The following CELF2 variants were observed in gnomAD, a reference collection of about 807,000 sequenced individuals.
The protein encoded by CELF2 is CUG triplet repeat RNA-binding protein 2.
A neutral mutation model predicts 62.6 loss-of-function variants in CELF2; 8 were observed. The ratio of observed to expected loss-of-function variants is 0.13; its 90% CI spans 0.07 to 0.23. The LOEUF is 0.23. CELF2 is among the 10% of genes least tolerant of loss of function. The probability of loss-of-function intolerance (pLI) is 1.00; values close to 1 mark genes in which losing one functional copy is unlikely to be tolerated. For missense variants in CELF2, 333 were observed against 671.0 expected, an observed-to-expected ratio of 0.50 and a Z score of 5.56; for synonymous variants, 258 against 250.0, an observed-to-expected ratio of 1.03 and a Z score of -0.30.
At chr10:10,969,242 G>A (rs887174606) in intron 2 of CELF2, among the ~76,000 whole-genome samples, 1 of 152,176 alleles carries the variant, frequency 6.6e-6, no homozygotes, top group African/African-American at 2.4e-5. Context: ...GGGCAACAGA[G>A]CAAGACTTTA....
chr10:10,761,641 A>G, the CELF2 span, among the ~76,000 whole-genome samples: 2 of 152,350 alleles, frequency 1.3e-5, no homozygotes, highest in East Asian at 1.9e-4. Context: ...AACCTCCCAC[A>G]TCGCAAGAGA....
At chr10:11,052,796 A>G (rs752835023) in intron 1 of CELF2, among the ~76,000 whole-genome samples, 2 of 152,226 alleles carry the variant, frequency 1.3e-5, no homozygotes, top group Non-Finnish European at 2.9e-5. Flanking sequence ...GTACAGGATG[A>G]TACCATATCC....
chr10:10,508,014 G>A, the CELF2 span, among the ~76,000 whole-genome samples: 1 of 152,080 alleles, frequency 6.6e-6, no homozygotes, highest in Non-Finnish European at 1.5e-5. Flanking sequence ...TTTATTTTCT[G>A]TGTGCTACAT....
the CELF2 span, among the ~76,000 whole-genome samples, chr10:10,476,439 G>A: frequency 6.6e-6 from 1 of 152,120 alleles, no homozygotes; most frequent in Non-Finnish European, 1.5e-5. Flanking sequence ...ATTCACATCT[G>A]CTGGGACAAG....
intron 7 of CELF2, among the ~76,000 whole-genome samples, chr10:11,272,853 A>G (rs957303769): frequency 2.6e-5 from 4 of 152,298 alleles, no homozygotes; most frequent in South Asian, 2.1e-4. Context: ...AGGTATTTCC[A>G]CTTACCTCAG....
At chr10:11,307,688 ACC>A (rs1274832040) in intron 9 of CELF2, among the ~76,000 whole-genome samples, 2 of 152,222 alleles carry the variant, frequency 1.3e-5, no homozygotes, top group South Asian at 4.2e-4. Flanking sequence ...GCTTAATGAA[ACC>A]CCATTTTGCC....
In CELF2 at chr10:10,949,502, C is replaced by T. The variant is rs1337283966; in HGVS notation, c.89+29503C>T. Among the ~76,000 whole-genome samples, 5 of 151,990 alleles carry T rather than the reference C, an allele frequency of 3.3e-5. No homozygotes were observed. In the South Asian group the frequency reaches 6.2e-4, roughly 19 times the overall value. ...GTTTTGTTTTGTCTTTTAAAAACCTCACCCAGAGGCCAGGCATGGTGGCTC... is the reference window on the plus strand; with the variant it reads ...GTTTTGTTTTGTCTTTTAAAAACCTTACCCAGAGGCCAGGCATGGTGGCTC... On this transcript the variant is annotated intron_variant, in intron 2 of 13. Coordinates refer to the CELF2 transcript ENST00000636488.
rs777966064 is a variant in CELF2, at chr10:11,302,510, T to C, written c.977-11629T>C. On this transcript the variant is annotated intron_variant, in intron 9 of 12. Coordinates refer to ENST00000633077, the MANE Select transcript of CELF2 (RefSeq NM_001326342.2). This position sits in a 1 kb window ranked among gnomAD's most constrained non-coding sequence, Gnocchi z 5.0. ...GCTGCAGTGCCCCCAAAGGACAGGA[T>C]TGGGCCCGCCTCCCCCAGACAAGAA... 1.2e-4 allele frequency among the ~76,000 whole-genome samples: 18 copies of C among 152,170 alleles called. No homozygotes were observed. Among genetic ancestry groups the C allele is most frequent in the Non-Finnish European group, 2.1e-4 (14 of 68,000 alleles).
chr10:10,475,926 A>G, the CELF2 span, among the ~76,000 whole-genome samples: 1 of 151,980 alleles, frequency 6.6e-6, no homozygotes, highest in South Asian at 2.1e-4. Flanking sequence ...ATGGTTGTTG[A>G]CAATACCTTT....
At chr10:11,078,993 A>C (rs1433423107) in intron 1 of CELF2, among the ~76,000 whole-genome samples, 1 of 152,150 alleles carries the variant, frequency 6.6e-6, no homozygotes, top group Non-Finnish European at 1.5e-5. Flanking sequence ...CACATTTTCT[A>C]TTGCGATTTG....
intron 1 of CELF2, among the ~76,000 whole-genome samples, chr10:10,858,718 T>G (rs1203078537): frequency 6.6e-6 from 1 of 152,096 alleles, no homozygotes; most frequent in Non-Finnish European, 1.5e-5. Context: ...GAAAGTATGT[T>G]GTTGAATGAA....
chr10:10,669,918 T>C, the CELF2 span, among the ~76,000 whole-genome samples: 19 of 128,982 alleles, frequency 1.5e-4, no homozygotes, highest in African/African-American at 5.8e-4. Flanking sequence ...TTTTTTTTTT[T>C]TGAGACGGAG....
chr10:10,884,016 C>T (rs140286451), intron 1 of CELF2, among the ~76,000 whole-genome samples: 405 of 152,144 alleles, frequency 2.7e-3, no homozygotes, highest in African/African-American at 9.2e-3. Flanking sequence ...CCCTCCTGCT[C>T]TTCCTCTTTG....
At chr10:11,052,842 C>G (rs555612319) in intron 1 of CELF2, among the ~76,000 whole-genome samples, 1 of 152,260 alleles carries the variant, frequency 6.6e-6, no homozygotes, top group African/African-American at 2.4e-5. Flanking sequence ...GGCACTGGAA[C>G]CAGTAAATCA....
chr10:10,793,922 A>G (rs1434971313), upstream of CELF2, among the ~76,000 whole-genome samples: 3 of 152,214 alleles, frequency 2.0e-5, no homozygotes, highest in African/African-American at 4.8e-5. Context: ...TAGAAAATAA[A>G]AACAGAGGAA....
chr10:11,186,858 G>A (rs144399445), intron 2 of CELF2, among the ~76,000 whole-genome samples: 27 of 152,280 alleles, frequency 1.8e-4, no homozygotes, highest in East Asian at 1.5e-3. Flanking sequence ...GAGGGGTATG[G>A]GAGTTTTTTC....
the CELF2 span, among the ~76,000 whole-genome samples, chr10:10,494,826 A>ATCTACATAC: frequency 1.3e-5 from 2 of 152,226 alleles, no homozygotes; most frequent in African/African-American, 4.8e-5. Context: ...ATTAATATGA[A>ATCTACATAC]TCTACATACA....
chr10:10,875,653 T>C (rs1381588281), intron 1 of CELF2, among the ~76,000 whole-genome samples: 1 of 152,160 alleles, frequency 6.6e-6, no homozygotes, highest in Non-Finnish European at 1.5e-5. Context: ...TGTGCTGGGG[T>C]GGGAGGATGA....
At chr10:11,282,112 T>C (rs2139266318) in intron 8 of CELF2, among the ~76,000 whole-genome samples, 1 of 152,302 alleles carries the variant, frequency 6.6e-6, no homozygotes, top group South Asian at 2.1e-4. Context: ...CGAAACCCTA[T>C]GCTGGACCAG....
Sources: gnomAD v4.1 joint callset for allele counts (sites outside exome capture counted in the v4.1 genomes callset) on GRCh38, gnomAD v4.1.1 for gene constraint, Gnocchi (gnomAD v3.1) non-coding constraint, MANE v1.5 for transcripts, NCBI Gene and HGNC (gene_info 2026-07-23, HGNC 2026-07-21) for gene names.